SH2D7: variants seen among roughly 807,000 people sequenced by gnomAD.
The protein encoded by SH2D7 is SH2 domain-containing protein 7.
In SH2D7, 32 loss-of-function variants were observed where a neutral mutation model predicts 40.8. The ratio of observed to expected loss-of-function variants is 0.78; its 90% CI spans 0.59 to 1.05. SH2D7 has a LOEUF of 1.05. Among genes scored for constraint, SH2D7 ranks in the 50% least tolerant of loss-of-function variants. The pLI is 0.00. For missense variants in SH2D7, 559 were observed against 566.6 expected, an observed-to-expected ratio of 0.99 and a Z score of 0.14; for synonymous variants, 195 against 221.5, an observed-to-expected ratio of 0.88 and a Z score of 1.06.
At chr15:78,102,114 G>T (rs190858259) in intron 5 of SH2D7, among the ~76,000 whole-genome samples, 5 of 152,130 alleles carry the variant, frequency 3.3e-5, no homozygotes, top group African/African-American at 1.2e-4. Flanking sequence ...ATTGCCAGGC[G>T]TGGTGGCCTG....
rs199631181 is a variant in SH2D7 at position 78,098,372 on chromosome 15, G to A, written c.433-12G>A. 55 of 1,612,482 alleles carry A rather than the reference G, an allele frequency of 3.4e-5. No individual in the cohort carries two copies. In the Middle Eastern group the frequency reaches 5.9e-4, roughly 17 times the overall value. On this transcript the variant is annotated splice_polypyrimidine_tract_variant and intron_variant, in intron 3 of 5. Transcript: ENST00000328828. ...GTGTGACCACATACCTGCCGTATCC[G>A]CATGCTCCCAGCCAGAGGACAATGA...
At position 78,092,671 on chromosome 15, in the gene SH2D7, T is replaced by C. The variant is rs1413157530; in HGVS notation, c.87T>C (p.Leu29=). The change falls in exon 1 of 6, where the codon CTT becomes CTC. Residue 29 remains leucine, a synonymous_variant. Transcript: ENST00000328828. ...DSQALAELQE[L]ALKWFMETQA... Reference sequence around the variant, plus strand: ...AGGCCCTGGCTGAGCTCCAGGAGCTTGCCCTGAAGTGGTTCATGGAGACAC... The same window carrying C: ...AGGCCCTGGCTGAGCTCCAGGAGCTCGCCCTGAAGTGGTTCATGGAGACAC... The C allele has an allele frequency of 6.3e-7, 1 of 1,582,878 alleles. No homozygotes were observed. Among genetic ancestry groups the C allele is most frequent in the African/African-American group, 1.4e-5 (1 of 74,046 alleles).
upstream of SH2D7, among the ~76,000 whole-genome samples, chr15:78,092,262 T>C (rs887185780): frequency 2.6e-5 from 4 of 152,212 alleles, no homozygotes; most frequent in South Asian, 2.1e-4. Flanking sequence ...TGATCTTTAG[T>C]TGTGACAAAG....
intron 1 of SH2D7, 129 bp downstream of exon 1, chr15:78,092,889 G>C (rs1261800515): frequency 1.6e-6 from 2 of 1,219,488 alleles, no homozygotes; most frequent in East Asian, 2.6e-5. Context: ...CTTGGAGGCG[G>C]GGGGCAGGGG....
chr15:78,097,194 G>T (rs1161053170), intron 2 of SH2D7, among the ~76,000 whole-genome samples: 1 of 152,202 alleles, frequency 6.6e-6, no homozygotes, highest in Non-Finnish European at 1.5e-5. Context: ...CGTCGGAATG[G>T]TGGCTACCTT....
upstream of SH2D7, among the ~76,000 whole-genome samples, chr15:78,090,715 A>T (rs1441328550): frequency 6.6e-6 from 1 of 152,106 alleles, no homozygotes; most frequent in East Asian, 1.9e-4. Context: ...TGTTCTAAGG[A>T]TTTAACTAAT....
rs1237069050 is a variant in SH2D7 at position 78,098,517 on chromosome 15, A to G, written c.566A>G (p.Lys189Arg). ...DKAASPRSSPKPQVSFLHAQK... is the reference protein window; with the variant it reads ...DKAASPRSSPRPQVSFLHAQK... ...GCCGCCAGCCCCCGCTCTTCTCCAA[A>G]GCCCCAGGTCTCCTTCCTCCATGCA... The change falls in exon 4 of 6, where the codon AAG becomes AGG. Residue 189 changes from lysine to arginine, a missense_variant. By Grantham distance (26) the Lys-to-Arg change is conservative (BLOSUM62 2). Transcript: ENST00000328828. 1 of 1,613,840 alleles carries G rather than the reference A, an allele frequency of 6.2e-7. No individual in the cohort carries two copies. Among genetic ancestry groups the G allele is most frequent in the African/African-American group, 1.3e-5 (1 of 74,908 alleles).
intron 5 of SH2D7, 92 bp from the exon 6 acceptor site, chr15:78,103,373 C>G (rs915860800): frequency 2.7e-6 from 4 of 1,467,668 alleles, no homozygotes; most frequent in Non-Finnish European, 3.7e-6. Context: ...GCTTGGGCCC[C>G]CAACCCAAGG....
intron 5 of SH2D7, among the ~76,000 whole-genome samples, chr15:78,102,333 C>T (rs75489622): frequency 0.045 from 6,830 of 152,176 alleles, 223 homozygotes; most frequent in South Asian, 0.16. Flanking sequence ...TTTGTTTATC[C>T]GAAATTTAAA....
chr15:78,101,708 AGTGGTGGTGGTGGTG>A (rs544657353), intron 5 of SH2D7, 150 bp downstream of exon 5: 2 of 974,744 alleles, frequency 2.1e-6, no homozygotes, highest in African/African-American at 3.3e-5. Context: ...TCTGCCTAGA[AGTGGTGGTGGTGGTG>A]GTGGTGGGAG....
At position 78,103,626 on chromosome 15, in the gene SH2D7, A is replaced by C; in HGVS notation, c.*111A>C. Reference sequence around the variant, plus strand: ...AGGCACCCTTTGGATCTTGAGACTCATCCAGCCTGCTACAGAACTAGGCTC... The same window carrying C: ...AGGCACCCTTTGGATCTTGAGACTCCTCCAGCCTGCTACAGAACTAGGCTC... On this transcript the variant is annotated 3_prime_UTR_variant, in exon 6 of 6. Transcript: ENST00000328828. 2 of 1,312,372 alleles carry C rather than the reference A, an allele frequency of 1.5e-6. No individual in the cohort carries two copies. The highest frequency in any genetic ancestry group is 2.1e-6 in the Non-Finnish European group (2 of 947,984). The allele number at this position is 1,312,372 out of a possible 1,614,324, so 81.3% of individuals were successfully genotyped here. A position where few individuals can be genotyped will look rare whatever the true frequency, so the allele number is the denominator to read the frequency against.
At position 78,101,183 on chromosome 15, in the gene SH2D7, G is replaced by T. The variant is rs2074012934; in HGVS notation, c.930G>T (p.Glu310Asp). 6.3e-7 allele frequency: 1 copy of T among 1,586,992 alleles called. No homozygotes were observed. Among genetic ancestry groups the T allele is most frequent in the Non-Finnish European group, 8.6e-7 (1 of 1,168,648 alleles). Residue 310 changes from glutamate (E) to aspartate (D), a missense_variant, in exon 5 of 6, where the codon GAG becomes GAT. Glu to Asp is a conservative substitution (Grantham distance 45). Coordinates refer to ENST00000328828, the MANE Select transcript of SH2D7 (RefSeq NM_001101404.2). ...SGVSPDQGPT[E>D]SPTSWGCSDA... ...TGAGCCCAGACCAGGGTCCCACAGA[G>T]TCTCCCACTTCCTGGGGATGTTCTG...
chr15:78,101,655 A>C (rs1596342721), intron 5 of SH2D7, 97 bp downstream of exon 5: 12 of 1,351,606 alleles, frequency 8.9e-6, no homozygotes, highest in African/African-American at 1.5e-5. Flanking sequence ...AGGTCAGGTC[A>C]CCGCCACTGC....
At chr15:78,101,822 C>T (rs1157950339) in intron 5 of SH2D7, among the ~76,000 whole-genome samples, 3 of 152,184 alleles carry the variant, frequency 2.0e-5, no homozygotes, top group Non-Finnish European at 2.9e-5. Context: ...CCATCCCCTC[C>T]GTCTCAGCCT....
chr15:78,098,427 A>T lies in SH2D7; in HGVS notation c.476A>T (p.His159Leu), dbSNP rs1369943762. Residue 159 changes from histidine to leucine, a missense_variant, in exon 4 of 6, where the codon CAC (histidine) becomes CTC (leucine). Coordinates refer to ENST00000328828, the MANE Select transcript of SH2D7 (RefSeq NM_001101404.2). ...TATGATGCCATCACCCGGGGCCTCC[A>T]CCAGACCATCGTGGACCCAGAAAAC... The part of the protein sequence containing the change: ...DLYDAITRGL[H>L]QTIVDPENPP... The T allele has an allele frequency of 1.9e-6, 3 of 1,613,764 alleles. No individual in the cohort carries two copies. The highest frequency in any genetic ancestry group is 4.5e-5 in the East Asian group (2 of 44,890).
rs112279712 is a variant in SH2D7 at position 78,103,048 on chromosome 15, C to T, written c.1306-417C>T. 4.0e-3 allele frequency among the ~76,000 whole-genome samples: 608 copies of T among 152,184 alleles called. 4 individuals are homozygous for T. The highest frequency in any genetic ancestry group is 9.5e-3 in the Admixed American group (145 of 15,286). ...CAGTGGAGACCCTCAGAAGCCACAT[C>T]CCATGTCTGCTCTTTCCCTGCGGCT... is the stretch of plus-strand genomic sequence containing the variant. On this transcript the variant is annotated intron_variant, in intron 5 of 5. Coordinates refer to ENST00000328828, the MANE Select transcript of SH2D7 (RefSeq NM_001101404.2).
chr15:78,098,531 T>C lies in SH2D7; in HGVS notation c.580T>C (p.Phe194Leu). Residue 194 changes from phenylalanine to leucine, a missense_variant, in exon 4 of 6, where the codon TTC becomes CTC. Phe to Leu is a conservative substitution (Grantham distance 22, BLOSUM62 0). Coordinates refer to ENST00000328828, the MANE Select transcript of SH2D7 (RefSeq NM_001101404.2). ...CTCTTCTCCAAAGCCCCAGGTCTCC[T>C]TCCTCCATGCACAGAAAAGCCTGGA... ...PRSSPKPQVSFLHAQKSLDVS... is the reference protein window; with the variant it reads ...PRSSPKPQVSLLHAQKSLDVS... 1 of 1,614,010 alleles carries C rather than the reference T, an allele frequency of 6.2e-7. No homozygotes were observed. The highest frequency in any genetic ancestry group is 8.5e-7 in the Non-Finnish European group (1 of 1,179,872).
Position 78,098,493 on chromosome 15 carries a change from C to A in SH2D7, c.542C>A (p.Ala181Asp), listed in dbSNP as rs202117330. Reference sequence around the variant, plus strand: ...TTCCTCACAGTGGTCCCCGACAAGGCCGCCAGCCCCCGCTCTTCTCCAAAG... The same window carrying A: ...TTCCTCACAGTGGTCCCCGACAAGGACGCCAGCCCCCGCTCTTCTCCAAAG... ...TAFLTVVPDK[A>D]ASPRSSPKPQ... The change falls in exon 4 of 6, where the codon GCC becomes GAC. Residue 181 changes from alanine (A) to aspartate (D), a missense_variant. Ala to Asp is a moderately radical substitution (Grantham distance 126). Transcript: ENST00000328828. 256 of 1,613,924 alleles carry A rather than the reference C, an allele frequency of 1.6e-4. No individual in the cohort carries two copies. Among genetic ancestry groups the A allele is most frequent in the Non-Finnish European group, 9.2e-5 (108 of 1,179,904 alleles).
At chr15:78,102,604 C>G (rs1200285904) in intron 5 of SH2D7, among the ~76,000 whole-genome samples, 2 of 151,964 alleles carry the variant, frequency 1.3e-5, no homozygotes, top group African/African-American at 4.8e-5. Flanking sequence ...TGGGTGTAAG[C>G]TGGGGGCTTC....
Sources: allele counts gnomAD v4.1 joint callset (sites outside exome capture counted in the v4.1 genomes callset), GRCh38; gene constraint gnomAD v4.1.1; transcripts MANE v1.5; gene names NCBI Gene and HGNC (gene_info 2026-07-23, HGNC 2026-07-21).